URI1: variants seen among roughly 807,000 people sequenced by gnomAD.
URI1 encodes the protein unconventional prefoldin RPB5 interactor 1.
In URI1, 39 loss-of-function variants were observed where a neutral mutation model predicts 60.2. The ratio of observed to expected loss-of-function variants is 0.65; its 90% CI spans 0.50 to 0.85. The LOEUF (loss-of-function observed/expected upper bound fraction) is 0.85, where lower values mean the gene tolerates loss of function less well. URI1 is among the 40% of genes least tolerant of loss of function. The probability of loss-of-function intolerance (pLI) is 0.00; values close to 1 mark genes in which losing one functional copy is unlikely to be tolerated. For missense variants in URI1, 691 were observed against 665.9 expected, an observed-to-expected ratio of 1.04 and a Z score of -0.42; for synonymous variants, 251 against 236.8, an observed-to-expected ratio of 1.06 and a Z score of -0.55.
At chr19:30,011,902 G>C (rs2056025246) in intron 9 of URI1, among the ~76,000 whole-genome samples, 1 of 130,376 alleles carries the variant, frequency 7.7e-6, no homozygotes, top group South Asian at 2.9e-4. Context: ...CTGTCATGGG[G>C]TGGGGGGAGG....
At chr19:29,962,284 G>T (rs1599678043) in intron 1 of URI1, among the ~76,000 whole-genome samples, 1 of 145,688 alleles carries the variant, frequency 6.9e-6, no homozygotes, top group Admixed American at 6.8e-5. Flanking sequence ...TCCTTCCTTT[G>T]GATCAAACAT....
chr19:29,949,123 C>T (rs2055142572), intron 1 of URI1, among the ~76,000 whole-genome samples: 1 of 150,884 alleles, frequency 6.6e-6, no homozygotes, highest in African/African-American at 2.4e-5. Context: ...GGGGCAGCTG[C>T]CGGGCGGAGG....
At chr19:29,964,766 G>A (rs2145305564) in intron 1 of URI1, among the ~76,000 whole-genome samples, 1 of 151,794 alleles carries the variant, frequency 6.6e-6, no homozygotes. Context: ...CCGGCCAGTG[G>A]TGTTTAAAAT....
chr19:30,011,263 A>C lies in URI1; in HGVS notation c.1178+27A>C, dbSNP rs773984323. ...TGGGAGGCGCTCACAGCTGCAGGGC[A>C]GTCTGCTGGGCTTGCCTCTCTTTCT... On this transcript the variant is annotated intron_variant, in intron 9 of 10. Coordinates refer to ENST00000392271, the MANE Select transcript of URI1 (RefSeq NM_003796.3). 8.9e-6 allele frequency: 14 copies of C among 1,575,484 alleles called. 1 individual carries two copies. In the South Asian group the frequency reaches 1.7e-4, roughly 19 times the overall value.
intron 1 of URI1, among the ~76,000 whole-genome samples, chr19:29,951,315 C>T (rs1408142320): frequency 6.6e-6 from 1 of 152,112 alleles, no homozygotes; most frequent in African/African-American, 2.4e-5. Context: ...CATGGATGAT[C>T]CTTGCCTAAA....
intron 4 of URI1, among the ~76,000 whole-genome samples, chr19:29,993,312 G>T (rs908097812): frequency 2.6e-5 from 4 of 152,142 alleles, no homozygotes; most frequent in African/African-American, 9.7e-5. Flanking sequence ...TAGAGGCAAT[G>T]TTGTTGACAT....
At chr19:29,927,011 C>T (rs956662157) in intron 1 of URI1, among the ~76,000 whole-genome samples, 1 of 152,146 alleles carries the variant, frequency 6.6e-6, no homozygotes, top group Non-Finnish European at 1.5e-5. Context: ...CCGTGGACTC[C>T]ACTCTCTGGG....
At chr19:29,977,558 CTTT>C (rs749382980) in intron 2 of URI1, among the ~76,000 whole-genome samples, 5 of 112,586 alleles carry the variant, frequency 4.4e-5, no homozygotes, top group Non-Finnish European at 8.9e-5. Context: ...GTTATTTTTT[CTTT>C]TTTTTTTTTT....
intron 2 of URI1, among the ~76,000 whole-genome samples, chr19:29,980,837 G>A (rs993696881): frequency 2.7e-5 from 4 of 148,316 alleles, no homozygotes; most frequent in African/African-American, 5.0e-5. Flanking sequence ...CAGGAGAATC[G>A]CTTGAACCTG....
rs777942561 is a variant in URI1 at position 29,942,621 on chromosome 19, T to C, written c.74T>C (p.Leu25Ser). 3.7e-5 allele frequency: 54 copies of C among 1,470,248 alleles called. No individual in the cohort carries two copies. Among genetic ancestry groups the C allele is most frequent in the Non-Finnish European group, 4.8e-5 (53 of 1,115,066 alleles). The allele number at this position is 1,470,248 out of a possible 1,614,324, so 91.1% of individuals were successfully genotyped here. A position where few individuals can be genotyped will look rare whatever the true frequency, so the allele number is the denominator to read the frequency against. Residue 25 changes from leucine to serine, a missense_variant, in exon 1 of 11, where the codon TTG becomes TCG. Coordinates refer to ENST00000392271, the MANE Select transcript of URI1 (RefSeq NM_003796.3). ...GCCCCGGCCCCTGCCCTGGTTCCGTTGCGCGCCCCGGATGTGGCGCGGCTG... is the reference window on the plus strand; with the variant it reads ...GCCCCGGCCCCTGCCCTGGTTCCGTCGCGCGCCCCGGATGTGGCGCGGCTG... The part of the protein sequence containing the change: ...PSAPAPALVP[L>S]RAPDVARLRE...
chr19:29,948,496 A>G (rs2055129616), intron 1 of URI1, among the ~76,000 whole-genome samples: 2 of 152,192 alleles, frequency 1.3e-5, no homozygotes, highest in Non-Finnish European at 2.9e-5. Context: ...ATTTATTGAA[A>G]AGAGTATATT....
At chr19:29,957,620 T>A (rs2055266117) in intron 1 of URI1, among the ~76,000 whole-genome samples, 1 of 152,210 alleles carries the variant, frequency 6.6e-6, no homozygotes, top group African/African-American at 2.4e-5. Flanking sequence ...TCTGACCCTT[T>A]GCTTTTTTGT....
chr19:29,981,006 C>T (rs944167211), intron 2 of URI1, among the ~76,000 whole-genome samples: 2 of 147,748 alleles, frequency 1.4e-5, no homozygotes, highest in South Asian at 4.3e-4. Context: ...TTAGCAAAGT[C>T]TTATTGTTTC....
rs893211184 is a variant in URI1, at chr19:30,016,062, G to T, written c.*993G>T. The T allele has an allele frequency of 1.3e-5, 2 of 152,632 alleles. No individual in the cohort carries two copies. The highest frequency in any genetic ancestry group is 4.8e-5 in the African/African-American group (2 of 41,416). The allele number at this position is 152,632 out of a possible 1,614,324, so 9.5% of individuals were successfully genotyped here. A position where few individuals can be genotyped will look rare whatever the true frequency, so the allele number is the denominator to read the frequency against. ...TCATTAGCTTGATGCATGCTAAAAT[G>T]TAGCTTTTAAAAAGCATTCTGCATT... On this transcript the variant is annotated 3_prime_UTR_variant, in exon 11 of 11. Coordinates refer to ENST00000392271, the MANE Select transcript of URI1 (RefSeq NM_003796.3).
At chr19:29,985,099 G>A (rs1200152560) in intron 2 of URI1, 124 bp from the exon 3 acceptor site, 6 of 827,784 alleles carry the variant, frequency 7.2e-6, no homozygotes, top group African/African-American at 2.2e-5. Flanking sequence ...TAGCCTGGGC[G>A]ACGGAGCGAC....
intron 1 of URI1, among the ~76,000 whole-genome samples, chr19:29,954,040 C>T (rs948597168): frequency 6.6e-6 from 1 of 152,146 alleles, no homozygotes; most frequent in African/African-American, 2.4e-5. Flanking sequence ...AAATCCATTA[C>T]CACAAGGTTC....
chr19:29,934,666 G>A lies in URI1; in HGVS notation c.63+10912G>A, dbSNP rs376548159. Among the ~76,000 whole-genome samples, 17 of 152,216 alleles carry A rather than the reference G, an allele frequency of 1.1e-4. 1 individual carries two copies. The South Asian group carries it at 2.7e-3, about 24-fold the overall frequency. On this transcript the variant is annotated intron_variant, in intron 1 of 10. Coordinates refer to the URI1 transcript ENST00000360605. ...TCCTCCTGCCTTAGCCTCCCAAGTC[G>A]CTGTGACTACAGGCATGTGCCACCA...
chr19:29,963,016 T>G (rs1026798463), intron 1 of URI1, among the ~76,000 whole-genome samples: 2 of 152,218 alleles, frequency 1.3e-5, no homozygotes, highest in African/African-American at 2.4e-5. Context: ...CCCCTGTGCC[T>G]CCTCCGCCTA....
rs112774025 is a variant in URI1 at position 30,009,135 on chromosome 19, G to C, written c.817G>C (p.Ala273Pro). The stretch of plus-strand genomic sequence containing the variant: ...TCATACTCCTTGTCATAAGGATGTT[G>C]CAAGTTCAGAACCATTCAGTGGTCA... Reference protein sequence around the residue: ...DSHTPCHKDVASSEPFSGQVN... With the variant: ...DSHTPCHKDVPSSEPFSGQVN... Residue 273 changes from alanine to proline, a missense_variant, in exon 8 of 11, where the codon GCA becomes CCA. By Grantham distance (27) the Ala-to-Pro change is conservative. Transcript: ENST00000392271. 9.3e-6 allele frequency: 15 copies of C among 1,614,014 alleles called. No individual in the cohort carries two copies. The South Asian group carries it at 1.5e-4, about 17-fold the overall frequency.
Sources: allele counts gnomAD v4.1 joint callset (sites outside exome capture counted in the v4.1 genomes callset), GRCh38; gene constraint gnomAD v4.1.1; transcripts MANE v1.5; gene names NCBI Gene and HGNC (gene_info 2026-07-23, HGNC 2026-07-21).